PDE1A: variants seen among roughly 807,000 people sequenced by gnomAD.
PDE1A encodes the protein phosphodiesterase 1A.
PDE1A carries 35 observed loss-of-function variants against 61.7 expected under a neutral mutation model. That is an observed-to-expected ratio of 0.57 (90% CI 0.43 to 0.75). The LOEUF (loss-of-function observed/expected upper bound fraction) is 0.75. Among genes scored for constraint, PDE1A ranks in the 30% least tolerant of loss-of-function variants. The probability of loss-of-function intolerance (pLI) is 0.00; values close to 1 mark genes in which losing one functional copy is unlikely to be tolerated. For missense variants in PDE1A, 597 were observed against 630.6 expected, an observed-to-expected ratio of 0.95 and a Z score of 0.57; for synonymous variants, 232 against 213.2, an observed-to-expected ratio of 1.09 and a Z score of -0.77.
At chr2:182,271,795 G>A (rs555213137) in intron 1 of PDE1A, among the ~76,000 whole-genome samples, 1 of 152,054 alleles carries the variant, frequency 6.6e-6, no homozygotes, top group East Asian at 1.9e-4. Context: ...ATTAACTCCT[G>A]GTAGATTAAA....
downstream of PDE1A, chr2:182,147,033 T>C (rs1166701085): frequency 1.7e-5 from 21 of 1,204,664 alleles, no homozygotes; most frequent in Non-Finnish European, 2.5e-5. Flanking sequence ...AAAATAAAAT[T>C]ACCTCTCATG....
intron 2 of PDE1A, among the ~76,000 whole-genome samples, chr2:182,444,698 G>C (rs964866141): frequency 4.6e-5 from 7 of 151,440 alleles, no homozygotes; most frequent in Admixed American, 3.3e-4. Context: ...CAGTAGTAAT[G>C]GGCATACCTA....
At chr2:182,539,537 C>T in the PDE1A span, among the ~76,000 whole-genome samples, 5 of 152,182 alleles carry the variant, frequency 3.3e-5, no homozygotes, top group African/African-American at 4.8e-5. Context: ...AGTTTCTATC[C>T]TAACTTAAAG....
the PDE1A span, among the ~76,000 whole-genome samples, chr2:182,577,976 GGA>G: frequency 6.8e-6 from 1 of 146,842 alleles, no homozygotes; most frequent in Admixed American, 6.7e-5. Context: ...AAGGAAGGAA[GGA>G]AGGAAGGAAG....
At chr2:182,604,338 C>T in the PDE1A span, among the ~76,000 whole-genome samples, 1 of 152,250 alleles carries the variant, frequency 6.6e-6, no homozygotes, top group African/African-American at 2.4e-5. Context: ...AAATTTGATA[C>T]ATTACACAAA....
intron 13 of PDE1A, among the ~76,000 whole-genome samples, chr2:182,174,764 C>A (rs1423474822): frequency 1.4e-5 from 2 of 148,092 alleles, no homozygotes; most frequent in East Asian, 2.0e-4. Context: ...TTTTATTATA[C>A]TTTAAGTTCT....
the PDE1A span, among the ~76,000 whole-genome samples, chr2:182,561,986 A>G: frequency 6.6e-6 from 1 of 152,048 alleles, no homozygotes; most frequent in Non-Finnish European, 1.5e-5. Flanking sequence ...TAGATATACA[A>G]TCATGTCGTC....
Position 182,411,885 on chromosome 2 carries a change from C to T in PDE1A, c.53+14693G>A, listed in dbSNP as rs554312695. ...CCAGCCTGGCCAACATAGTGAAACCCCGTCTCTACTAAAAATACAAAAATT... is the reference window on the plus strand; with the variant it reads ...CCAGCCTGGCCAACATAGTGAAACCTCGTCTCTACTAAAAATACAAAAATT... On this transcript the variant is annotated intron_variant, in intron 1 of 13. Coordinates refer to ENST00000351439, the Ensembl canonical transcript of PDE1A. Among the ~76,000 whole-genome samples the T allele has an allele frequency of 2.0e-5, 3 of 152,008 alleles. No individual in the cohort carries two copies. The South Asian group carries it at 6.3e-4, about 32-fold the overall frequency.
At chr2:182,327,886 G>A (rs879820692) in intron 1 of PDE1A, among the ~76,000 whole-genome samples, 16 of 152,198 alleles carry the variant, frequency 1.1e-4, no homozygotes, top group Non-Finnish European at 1.5e-5. Flanking sequence ...AAACCAATAG[G>A]ACAAACTGAT....
chr2:182,245,553 G>A (rs1281002939), intron 2 of PDE1A, among the ~76,000 whole-genome samples: 2 of 151,822 alleles, frequency 1.3e-5, no homozygotes, highest in Non-Finnish European at 2.9e-5. Flanking sequence ...CTATCTTTTT[G>A]CTGTCTCCTT....
chr2:182,388,726 A>C (rs1381548752), intron 1 of PDE1A, among the ~76,000 whole-genome samples: 1 of 152,098 alleles, frequency 6.6e-6, no homozygotes, highest in East Asian at 1.9e-4. Flanking sequence ...CATCTCAAAC[A>C]ATCTAGCACT....
chr2:182,228,504 A>G (rs576123467), intron 6 of PDE1A, among the ~76,000 whole-genome samples: 36 of 152,204 alleles, frequency 2.4e-4, no homozygotes, highest in Admixed American at 2.0e-3. Context: ...AGAACTAAAG[A>G]TTTTTTCCTA....
At chr2:182,421,690 A>G (rs1703287639) in intron 1 of PDE1A, among the ~76,000 whole-genome samples, 1 of 152,180 alleles carries the variant, frequency 6.6e-6, no homozygotes, top group Non-Finnish European at 1.5e-5. Flanking sequence ...TAAAAATTAG[A>G]GCTACTTTTA....
At chr2:182,191,851 T>C (rs1157777028) in intron 10 of PDE1A, among the ~76,000 whole-genome samples, 1 of 151,082 alleles carries the variant, frequency 6.6e-6, no homozygotes, top group Non-Finnish European at 1.5e-5. Context: ...ACTTTCTTTT[T>C]TTTTTTATTT....
chr2:182,513,116 T>C (rs984217437), intron 2 of PDE1A, among the ~76,000 whole-genome samples: 1 of 152,090 alleles, frequency 6.6e-6, no homozygotes, highest in Non-Finnish European at 1.5e-5. Flanking sequence ...TGAGATACTA[T>C]ACAAGATGAC....
At chr2:182,497,120 C>T (rs1192820166) in intron 2 of PDE1A, among the ~76,000 whole-genome samples, 3 of 152,028 alleles carry the variant, frequency 2.0e-5, no homozygotes, top group African/African-American at 7.3e-5. Context: ...TTAACCATGG[C>T]CAATTGAATA....
rs182056515 is a variant in PDE1A, at chr2:182,241,398, C to T, written c.168-1106G>A. Among the ~76,000 whole-genome samples the T allele has an allele frequency of 1.1e-4, 16 of 152,270 alleles. No homozygotes were observed. In the East Asian group the frequency reaches 2.7e-3, roughly 26 times the overall value. ...TCTCTTTGCCCAGACCTAGGCCTAA[C>T]GATTATGAGCTAATGTTGGAAGGTG... On this transcript the variant is annotated intron_variant, in intron 2 of 13. Transcript: ENST00000351439.
the PDE1A span, among the ~76,000 whole-genome samples, chr2:182,588,149 CAAGT>C: frequency 1.3e-5 from 2 of 152,264 alleles, no homozygotes; most frequent in South Asian, 2.1e-4. Context: ...TGTCTATTTG[CAAGT>C]AAGTAAGTTT....
the PDE1A span, among the ~76,000 whole-genome samples, chr2:182,679,350 A>ATTTTTTTT: frequency 2.2e-4 from 26 of 119,438 alleles, no homozygotes; most frequent in Non-Finnish European, 2.8e-4. Flanking sequence ...TGCTCAGCTA[A>ATTTTTTTT]TTTTTTTTTT....
Sources: gnomAD v4.1 joint callset for allele counts (sites outside exome capture counted in the v4.1 genomes callset) on GRCh38, gnomAD v4.1.1 for gene constraint, MANE v1.5 for transcripts, NCBI Gene and HGNC (gene_info 2026-07-23, HGNC 2026-07-21) for gene names.